The following SUPT3H variants were observed in gnomAD, a reference collection of about 807,000 sequenced individuals.
SUPT3H encodes transcription initiation protein SPT3 homolog.
SUPT3H carries 44 observed loss-of-function variants against 44.3 expected under a neutral mutation model. The observed-to-expected ratio is 0.99, with a 90% CI of 0.78 to 1.28. The LOEUF (loss-of-function observed/expected upper bound fraction) is 1.28. Among genes scored for constraint, SUPT3H ranks in the 50% most tolerant of loss-of-function variants. The probability of loss-of-function intolerance (pLI) is 0.00; values close to 1 mark genes in which losing one functional copy is unlikely to be tolerated. For missense variants in SUPT3H, 380 were observed against 387.1 expected (o/e 0.98, Z 0.15); for synonymous variants, 124 against 125.6 (o/e 0.99, Z 0.09).
chr6:44,977,134 A>G (rs1778446605), intron 6 of SUPT3H, among the ~76,000 whole-genome samples: 2 of 152,238 alleles, frequency 1.3e-5, no homozygotes, highest in African/African-American at 2.4e-5. Flanking sequence ...AATGATTACA[A>G]AGAAAGATGA....
chr6:44,860,371 T>C (rs1375458610), intron 10 of SUPT3H, among the ~76,000 whole-genome samples: 2 of 152,114 alleles, frequency 1.3e-5, no homozygotes, highest in Non-Finnish European at 2.9e-5. Context: ...GTCTATAACA[T>C]CACCACTCTC....
intron 2 of SUPT3H, among the ~76,000 whole-genome samples, chr6:45,344,337 AT>A (rs1285372772): frequency 6.6e-6 from 1 of 151,982 alleles, no homozygotes; most frequent in Non-Finnish European, 1.5e-5. Context: ...CTGTATACTT[AT>A]TTTTGCTCTC....
chr6:45,057,719 T>C (rs1772227996), intron 3 of SUPT3H, among the ~76,000 whole-genome samples: 1 of 152,122 alleles, frequency 6.6e-6, no homozygotes, highest in Non-Finnish European at 1.5e-5. Context: ...GCCTGGAATA[T>C]AAAGTTTAAT....
At chr6:44,900,587 C>T (rs1582351581) in intron 10 of SUPT3H, among the ~76,000 whole-genome samples, 1 of 152,116 alleles carries the variant, frequency 6.6e-6, no homozygotes, top group Non-Finnish European at 1.5e-5. Flanking sequence ...GTAGACTCCA[C>T]CTCTGGGGGC....
At chr6:45,275,796 T>C (rs1776917753) in intron 2 of SUPT3H, among the ~76,000 whole-genome samples, 1 of 152,150 alleles carries the variant, frequency 6.6e-6, no homozygotes, top group Non-Finnish European at 1.5e-5. Flanking sequence ...TGACATAAAT[T>C]ATTTAAAAAT....
intron 6 of SUPT3H, among the ~76,000 whole-genome samples, chr6:44,965,853 C>T (rs901701912): frequency 3.9e-5 from 6 of 152,094 alleles, no homozygotes; most frequent in Non-Finnish European, 8.8e-5. Context: ...ATACAGGAAC[C>T]GTGCTGCTCT....
At chr6:44,961,127 T>C (rs1775957934) in intron 7 of SUPT3H, among the ~76,000 whole-genome samples, 1 of 152,174 alleles carries the variant, frequency 6.6e-6, no homozygotes, top group African/African-American at 2.4e-5. Flanking sequence ...GATGTTTTGC[T>C]ACACAATCTA....
intron 2 of SUPT3H, among the ~76,000 whole-genome samples, chr6:45,206,780 G>C (rs1763278865): frequency 6.6e-6 from 1 of 152,116 alleles, no homozygotes; most frequent in Non-Finnish European, 1.5e-5. Flanking sequence ...TGACCTGCTG[G>C]AAGTAAAGAA....
At chr6:44,928,468 T>C (rs981767853) in intron 10 of SUPT3H, among the ~76,000 whole-genome samples, 3 of 151,990 alleles carry the variant, frequency 2.0e-5, no homozygotes, top group Admixed American at 6.6e-5. Flanking sequence ...AAGCTAGGGG[T>C]TGGAAGGCCT....
chr6:44,851,080 A>C (rs1234017416), intron 10 of SUPT3H, among the ~76,000 whole-genome samples: 1 of 152,214 alleles, frequency 6.6e-6, no homozygotes, highest in Non-Finnish European at 1.5e-5. Context: ...AATTCTGGAA[A>C]TAAGCATCAA....
chr6:44,867,272 C>T (rs943651892), intron 10 of SUPT3H, among the ~76,000 whole-genome samples: 1 of 151,868 alleles, frequency 6.6e-6, no homozygotes, highest in Non-Finnish European at 1.5e-5. Context: ...CTGTCTCAGT[C>T]TCCTGAGGAG....
chr6:45,111,539 C>CCCCAAAAAAAAAAAAA (rs1800066126), intron 2 of SUPT3H, among the ~76,000 whole-genome samples: 1 of 142,340 alleles, frequency 7.0e-6, no homozygotes, highest in Admixed American at 7.1e-5. Context: ...CTCCCCCCCG[C>CCCCAAAAAAAAAAAAA]AAAAAAAACA....
chr6:44,993,249 C>T (rs1197501358), intron 6 of SUPT3H, among the ~76,000 whole-genome samples: 1 of 152,056 alleles, frequency 6.6e-6, no homozygotes, highest in East Asian at 1.9e-4. Context: ...ATCATCAAAG[C>T]AGAAGTCAGA....
At chr6:45,047,766 T>A (rs1325374094) in intron 3 of SUPT3H, among the ~76,000 whole-genome samples, 3 of 152,170 alleles carry the variant, frequency 2.0e-5, no homozygotes, top group Non-Finnish European at 4.4e-5. Flanking sequence ...ATATCTGTCA[T>A]CTTTTTGACG....
At chr6:45,193,933 CTTAGT>C (rs1420965536) in intron 2 of SUPT3H, among the ~76,000 whole-genome samples, 1 of 152,146 alleles carries the variant, frequency 6.6e-6, no homozygotes, top group Non-Finnish European at 1.5e-5. Context: ...TAAAATGTGT[CTTAGT>C]TTAAACACAC....
intron 2 of SUPT3H, among the ~76,000 whole-genome samples, chr6:45,157,955 T>C (rs1042432337): frequency 2.0e-5 from 3 of 151,022 alleles, no homozygotes; most frequent in African/African-American, 7.3e-5. Flanking sequence ...AAACTTATAA[T>C]TTCTGTAATT....
At chr6:45,112,086 G>C (rs992654985) in intron 2 of SUPT3H, among the ~76,000 whole-genome samples, 1 of 152,136 alleles carries the variant, frequency 6.6e-6, no homozygotes, top group South Asian at 2.1e-4. Flanking sequence ...AGCAGTAAAA[G>C]GAGGGGACTA....
chr6:44,988,519 TAAAAA>T lies in SUPT3H; in HGVS notation c.504+15129_504+15133del, dbSNP rs66489332. 4.1e-3 allele frequency among the ~76,000 whole-genome samples: 408 copies of T among 100,200 alleles called. 2 individuals carry two copies. The highest frequency in any genetic ancestry group is 0.014 in the African/African-American group (354 of 25,588). 65.7% of individuals were successfully genotyped at this position (100,200 alleles called of 152,430 possible). A position where few individuals can be genotyped will look rare whatever the true frequency, so the allele number is the denominator to read the frequency against. On this transcript the variant is annotated intron_variant, in intron 6 of 10. Transcript: ENST00000371459. ...ACAGACTATGTATGAAAGGCTTAAA[TAAAAA>T]AAAAAAAAAAAAAAAAAAATTTATG...
intron 10 of SUPT3H, among the ~76,000 whole-genome samples, chr6:44,888,442 G>T (rs961544724): frequency 6.6e-6 from 1 of 152,168 alleles, no homozygotes; most frequent in African/African-American, 2.4e-5. Flanking sequence ...TCATCCCTGG[G>T]ATGCAAGGCT....
Sources: gnomAD v4.1 joint callset for allele counts (sites outside exome capture counted in the v4.1 genomes callset) on GRCh38, gnomAD v4.1.1 for gene constraint, MANE v1.5 for transcripts, NCBI Gene and HGNC (gene_info 2026-07-23, HGNC 2026-07-21) for gene names.